Variants in GLRA3 observed in about 807,000 individuals in gnomAD.
GLRA3 encodes the protein glycine receptor alpha 3, also known as glycine receptor subunit alpha-3.
Under a neutral mutation model 60.4 loss-of-function variants are expected in GLRA3, and 44 were observed. The observed-to-expected ratio is 0.73, with a 90% CI of 0.57 to 0.94. The LOEUF (loss-of-function observed/expected upper bound fraction) is 0.94, where lower values mean the gene tolerates loss of function less well. GLRA3 is among the 40% of genes least tolerant of loss of function. The pLI, the probability that GLRA3 is intolerant of heterozygous loss-of-function variation, is 0.00. For missense variants in GLRA3, 508 were observed against 564.6 expected (o/e 0.90, Z 1.02); for synonymous variants, 223 against 192.9 (o/e 1.16, Z -1.29).
At chr4:174,789,167 C>T (rs1032157810) in intron 1 of GLRA3, among the ~76,000 whole-genome samples, 6 of 152,126 alleles carry the variant, frequency 3.9e-5, no homozygotes, top group African/African-American at 1.4e-4. Flanking sequence ...AGGTGGCATT[C>T]TTTTGTATTA....
At position 174,642,696 on chromosome 4, in the gene GLRA3, T is replaced by C. The variant is rs1041519858; in HGVS notation, c.*1090A>G. On this transcript the variant is annotated 3_prime_UTR_variant, in exon 10 of 10. Transcript: ENST00000274093. Reference sequence around the variant, plus strand: ...AAATAGAAAAAGAGTCCTCACTTTATAGAAATGACTTACTTATATCATTTA... The same window carrying C: ...AAATAGAAAAAGAGTCCTCACTTTACAGAAATGACTTACTTATATCATTTA... The C allele has an allele frequency of 1.1e-5, 8 of 737,646 alleles. No homozygotes were observed. Among genetic ancestry groups the C allele is most frequent in the Non-Finnish European group, 1.3e-5 (8 of 604,208 alleles). 45.7% of individuals were successfully genotyped at this position (737,646 alleles called of 1,614,324 possible).
At chr4:174,747,447 A>C (rs1287795155) in intron 3 of GLRA3, among the ~76,000 whole-genome samples, 1 of 152,214 alleles carries the variant, frequency 6.6e-6, no homozygotes, top group Non-Finnish European at 1.5e-5. Context: ...TTGCTCCAAC[A>C]GGAATTATTT....
At chr4:174,680,660 G>C (rs1734307388) in intron 6 of GLRA3, among the ~76,000 whole-genome samples, 1 of 152,038 alleles carries the variant, frequency 6.6e-6, no homozygotes. Flanking sequence ...GGGGAAGAGA[G>C]GTAAAAGATT....
chr4:174,661,230 C>T (rs1733423250), intron 7 of GLRA3, among the ~76,000 whole-genome samples: 1 of 152,102 alleles, frequency 6.6e-6, no homozygotes, highest in Admixed American at 6.6e-5. Context: ...TCTGTATCAT[C>T]TCTATCTATC....
In GLRA3 at chr4:174,728,630, A is replaced by T. The variant is rs747511768; in HGVS notation, c.336T>A (p.Pro112=). The change falls in exon 4 of 10, where the codon CCT becomes CCA. Residue 112 remains proline (P), a synonymous_variant. Transcript: ENST00000274093. ...NDPRLAYSEY[P]DDSLDLDPSM... is the part of the protein sequence containing the mutation. ...AGGGGTCGAGGTCTAAAGAGTCGTCAGGATATTCACTGTACGCGAGGCGGG... is the reference window on the plus strand; with the variant it reads ...AGGGGTCGAGGTCTAAAGAGTCGTCTGGATATTCACTGTACGCGAGGCGGG... 5 of 1,612,554 alleles carry T rather than the reference A, an allele frequency of 3.1e-6. No individual in the cohort carries two copies. The Admixed American group carries it at 8.3e-5, about 27-fold the overall frequency.
intron 9 of GLRA3, 142 bp downstream of exon 9, chr4:174,656,600 GA>G: frequency 2.0e-6 from 1 of 493,702 alleles, no homozygotes; most frequent in Non-Finnish European, 3.8e-6. Context: ...CTTCTTAGCT[GA>G]AGGGGGATGA....
intron 7 of GLRA3, among the ~76,000 whole-genome samples, chr4:174,671,478 C>A (rs1733906279): frequency 1.3e-5 from 2 of 152,074 alleles, no homozygotes; most frequent in East Asian, 1.9e-4. Context: ...CATTTCCTAT[C>A]CTTTTATTGT....
chr4:174,813,325 G>A (rs1468119613), intron 1 of GLRA3, among the ~76,000 whole-genome samples: 2 of 152,140 alleles, frequency 1.3e-5, no homozygotes, highest in African/African-American at 4.8e-5. Flanking sequence ...GGTGATGTGG[G>A]TCCTATCTCT....
At chr4:174,753,876 C>T (rs1427905089) in intron 3 of GLRA3, among the ~76,000 whole-genome samples, 4 of 151,980 alleles carry the variant, frequency 2.6e-5, no homozygotes, top group African/African-American at 7.3e-5. Flanking sequence ...ATTTACTTGT[C>T]GAAAGGAAAC....
At chr4:174,727,374 T>A (rs1027405380) in intron 4 of GLRA3, among the ~76,000 whole-genome samples, 1 of 152,140 alleles carries the variant, frequency 6.6e-6, no homozygotes, top group Non-Finnish European at 1.5e-5. Context: ...AAAGAGAAGA[T>A]AAGAGAGAGA....
rs1023128987 is a variant in GLRA3, at chr4:174,644,008, A to G, written c.1173T>C (p.Cys391=). The change falls in exon 10 of 10, where the codon TGT becomes TGC. Residue 391 remains cysteine (C), a synonymous_variant. Transcript: ENST00000274093. ...FSFTAYGMGP[C]LQAKDGMTPK... is the part of the protein sequence containing the mutation. ...GAGTCATGCCATCCTTTGCTTGTAG[A>G]CATGGTCCCATTCCATAGGCTGTGA... 3.1e-6 allele frequency: 5 copies of G among 1,613,772 alleles called. No homozygotes were observed. Among genetic ancestry groups the G allele is most frequent in the Admixed American group, 1.7e-5 (1 of 59,976 alleles).
At chr4:174,649,011 G>A (rs1336043699) in intron 9 of GLRA3, among the ~76,000 whole-genome samples, 1 of 152,126 alleles carries the variant, frequency 6.6e-6, no homozygotes, top group Non-Finnish European at 1.5e-5. Flanking sequence ...CGGTGCCAAT[G>A]GGGAATGGAA....
At chr4:174,698,035 A>G (rs571400205) in intron 5 of GLRA3, among the ~76,000 whole-genome samples, 1 of 152,270 alleles carries the variant, frequency 6.6e-6, no homozygotes, top group South Asian at 2.1e-4. Flanking sequence ...GATCTGCTCA[A>G]ATTTGTGAAA....
At chr4:174,668,472 C>G (rs924952248) in intron 7 of GLRA3, among the ~76,000 whole-genome samples, 1 of 152,082 alleles carries the variant, frequency 6.6e-6, no homozygotes, top group Admixed American at 6.6e-5. Context: ...GAGATGTATG[C>G]CTTTACTTCA....
intron 4 of GLRA3, among the ~76,000 whole-genome samples, chr4:174,726,053 G>A (rs900459475): frequency 5.3e-5 from 8 of 152,306 alleles, no homozygotes; most frequent in Middle Eastern, 3.4e-3. Context: ...GAGAGGCTCC[G>A]CCTTATTGCT....
chr4:174,791,787 G>C (rs1262553757), intron 1 of GLRA3, among the ~76,000 whole-genome samples: 1 of 152,050 alleles, frequency 6.6e-6, no homozygotes, highest in Non-Finnish European at 1.5e-5. Flanking sequence ...ATTGAAAACT[G>C]GACATTTTAA....
At chr4:174,782,202 G>A (rs371002995) in intron 2 of GLRA3, among the ~76,000 whole-genome samples, 4 of 147,980 alleles carry the variant, frequency 2.7e-5, no homozygotes, top group South Asian at 4.3e-4. Context: ...TATAAACAGA[G>A]CCAAAGACAA....
intron 1 of GLRA3, among the ~76,000 whole-genome samples, chr4:174,807,898 C>T (rs72708273): frequency 0.13 from 19,092 of 152,018 alleles, 1,276 homozygotes; most frequent in South Asian, 0.17. Flanking sequence ...AATACCATAG[C>T]AAAATGAGGA....
At chr4:174,788,433 G>A (rs1246721775) in intron 2 of GLRA3, among the ~76,000 whole-genome samples, 6 of 151,864 alleles carry the variant, frequency 4.0e-5, no homozygotes, top group Non-Finnish European at 5.9e-5. Flanking sequence ...GTAGTAAAGT[G>A]GCTGATTAAA....
Sources: gnomAD v4.1 joint callset for allele counts (sites outside exome capture counted in the v4.1 genomes callset) on GRCh38, gnomAD v4.1.1 for gene constraint, MANE v1.5 for transcripts, NCBI Gene and HGNC (gene_info 2026-07-23, HGNC 2026-07-21) for gene names.